The following EGLN3 variants were observed in gnomAD, a reference collection of about 807,000 sequenced individuals.
The protein encoded by EGLN3 is prolyl hydroxylase EGLN3.
A neutral mutation model predicts 26.0 loss-of-function variants in EGLN3; 15 were observed. That is an observed-to-expected ratio of 0.58 (90% CI 0.39 to 0.89). The LOEUF is 0.89. Ranked by LOEUF, EGLN3 falls within the 40% of genes least tolerant of loss-of-function variation. EGLN3 has a pLI of 0.00. For synonymous variants in EGLN3, 147 were observed against 127.2 expected (o/e 1.16, Z -1.05); for missense variants, 238 against 311.6 (o/e 0.76, Z 1.78).
chr14:33,950,177 G>A (rs2064546920), intron 1 of EGLN3: 8 of 601,034 alleles, frequency 1.3e-5, no homozygotes, highest in Middle Eastern at 3.6e-4. Context: ...GTCAACAGAA[G>A]GTCATCATCA....
rs2064546701 is a variant in EGLN3, at chr14:33,950,145, C to T, written c.357+251G>A. 5.0e-6 allele frequency: 3 copies of T among 594,410 alleles called. No individual in the cohort carries two copies. The South Asian group carries it at 6.2e-5, about 12-fold the overall frequency. The allele number at this position is 594,410 out of a possible 1,614,324, so 36.8% of individuals were successfully genotyped here. ...CCACAGCTTGTCTGGCTTTTGTCACCCACAAGAGCCAATATTTCAAAGTCA... is the reference window on the plus strand; with the variant it reads ...CCACAGCTTGTCTGGCTTTTGTCACTCACAAGAGCCAATATTTCAAAGTCA... On this transcript the variant is annotated intron_variant, in intron 1 of 4. Transcript: ENST00000250457.
chr14:33,938,405 T>C (rs976753704), intron 1 of EGLN3, among the ~76,000 whole-genome samples: 9 of 152,222 alleles, frequency 5.9e-5, no homozygotes, highest in Admixed American at 2.6e-4. Flanking sequence ...GCCATATTAA[T>C]ACAGGGTGTT....
chr14:33,937,573 C>G (rs901671470), intron 1 of EGLN3, among the ~76,000 whole-genome samples: 2 of 152,210 alleles, frequency 1.3e-5, no homozygotes, highest in Non-Finnish European at 2.9e-5. Context: ...TTGGAAGATT[C>G]AGAATACCAG....
intron 4 of EGLN3, among the ~76,000 whole-genome samples, chr14:33,926,289 T>C (rs1017033786): frequency 6.6e-6 from 1 of 152,188 alleles, no homozygotes; most frequent in Non-Finnish European, 1.5e-5. Context: ...TTGAGAGGTA[T>C]ACAGTCCAAA....
chr14:33,948,099 C>T (rs1368681739), intron 1 of EGLN3: 2 of 151,952 alleles, frequency 1.3e-5, no homozygotes, highest in Non-Finnish European at 2.9e-5. Context: ...AAGGATGAAC[C>T]GGTAAACTGG....
chr14:33,950,568 G>T lies in EGLN3; in HGVS notation c.185C>A (p.Ala62Glu). The change falls in exon 1 of 5, where the codon GCG (alanine) becomes GAG (glutamate). Residue 62 changes from alanine (A) to glutamate (E), a missense_variant. Ala to Glu is a moderately radical substitution (Grantham distance 107). Transcript: ENST00000250457. ...CTTGGAGACGCCGGCGCGCGGCCCC[G>T]CCAGCTGGCCGTCCCGCAGGGCCCC... ...CTGALRDGQLAGPRAGVSKRH... is the reference protein window; with the variant it reads ...CTGALRDGQLEGPRAGVSKRH... 4.3e-6 allele frequency: 7 copies of T among 1,611,792 alleles called. No homozygotes were observed. Among genetic ancestry groups the T allele is most frequent in the Non-Finnish European group, 5.9e-6 (7 of 1,179,018 alleles).
In EGLN3 at chr14:33,950,743, C is replaced by G; in HGVS notation, c.10G>C (p.Gly4Arg). The change falls in exon 1 of 5, where the codon GGA (glycine) becomes CGA (arginine). Residue 4 changes from glycine to arginine, a missense_variant. Physicochemically the swap from Gly to Arg is moderately radical, Grantham distance 125. Coordinates refer to ENST00000250457, the MANE Select transcript of EGLN3 (RefSeq NM_022073.4). MPL[G>R]HIMRLDLEKI... ...TCCAGGTCCAGCCTCATGATGTGTCCCAGGGGCATCTCGCCCGCAGAATCG... is the reference window on the plus strand; with the variant it reads ...TCCAGGTCCAGCCTCATGATGTGTCGCAGGGGCATCTCGCCCGCAGAATCG... 6.2e-7 allele frequency: 1 copy of G among 1,603,290 alleles called. No homozygotes were observed. Among genetic ancestry groups the G allele is most frequent in the Non-Finnish European group, 8.5e-7 (1 of 1,171,832 alleles).
intron 1 of EGLN3, among the ~76,000 whole-genome samples, chr14:33,933,495 G>A (rs2064419034): frequency 6.6e-6 from 1 of 152,116 alleles, no homozygotes; most frequent in Non-Finnish European, 1.5e-5. Context: ...TTTCTGGCCA[G>A]AGTGAACATT....
Position 33,950,523 on chromosome 14 carries a change from T to C in EGLN3, c.230A>G (p.Gln77Arg), listed in dbSNP as rs780844574. 6.8e-6 allele frequency: 11 copies of C among 1,613,508 alleles called. No individual in the cohort carries two copies. Among genetic ancestry groups the C allele is most frequent in the Non-Finnish European group, 9.3e-6 (11 of 1,180,010 alleles). The change falls in exon 1 of 5, where the codon CAG becomes CGG. Residue 77 changes from glutamine (Q) to arginine (R), a missense_variant. Gln to Arg is a conservative substitution (Grantham distance 43). Coordinates refer to ENST00000250457, the MANE Select transcript of EGLN3 (RefSeq NM_022073.4). ...CTCGTTGCCCCCGATCCACGTGATC[T>C]GGTCGCCCCGCAGGTGTCGCTTGGA... ...GVSKRHLRGD[Q>R]ITWIGGNEEG...
rs530924953 is a variant in EGLN3, at chr14:33,942,783, A to C, written c.357+7613T>G. On this transcript the variant is annotated intron_variant, in intron 1 of 4. Coordinates refer to ENST00000250457, the MANE Select transcript of EGLN3 (RefSeq NM_022073.4). ...AATAAGTATTTTGGCCTCATTTTGT[A>C]AAGAAAAACTAATGTTTAATATAAG... Among the ~76,000 whole-genome samples the C allele has an allele frequency of 2.2e-3, 342 of 152,316 alleles. 2 individuals are homozygous for C. The highest frequency in any genetic ancestry group is 7.7e-3 in the African/African-American group (321 of 41,564).
chr14:33,942,988 T>C (rs189516552), intron 1 of EGLN3, among the ~76,000 whole-genome samples: 17 of 152,170 alleles, frequency 1.1e-4, no homozygotes, highest in Admixed American at 2.6e-4. Flanking sequence ...AAACCCAGGG[T>C]CTGTAAGGCT....
At chr14:33,937,092 C>T (rs1045115761) in intron 1 of EGLN3, among the ~76,000 whole-genome samples, 4 of 152,164 alleles carry the variant, frequency 2.6e-5, no homozygotes, top group Non-Finnish European at 4.4e-5. Flanking sequence ...CTTTACAAGA[C>T]GATGGCAACT....
intron 2 of EGLN3, among the ~76,000 whole-genome samples, chr14:33,930,666 T>C (rs2064396293): frequency 6.6e-6 from 1 of 152,174 alleles, no homozygotes; most frequent in Non-Finnish European, 1.5e-5. Context: ...GAGAGGACTG[T>C]GTGGGAAATC....
intron 1 of EGLN3, among the ~76,000 whole-genome samples, chr14:33,945,971 G>C (rs921552574): frequency 1.3e-5 from 2 of 152,142 alleles, no homozygotes; most frequent in African/African-American, 2.4e-5. Flanking sequence ...ATTGTTTCCA[G>C]GGGAGGACCA....
At chr14:33,933,212 C>T (rs12896884) in intron 1 of EGLN3, among the ~76,000 whole-genome samples, 2 of 151,236 alleles carry the variant, frequency 1.3e-5, no homozygotes, top group Non-Finnish European at 2.9e-5. Context: ...CCAAGAAGAT[C>T]TAAGACTTGA....
intron 1 of EGLN3, among the ~76,000 whole-genome samples, chr14:33,944,583 A>G (rs919474091): frequency 6.6e-6 from 1 of 152,246 alleles, no homozygotes; most frequent in Admixed American, 6.5e-5. Flanking sequence ...AACATCCTGT[A>G]TAGTTTTGAT....
intron 1 of EGLN3, among the ~76,000 whole-genome samples, chr14:33,939,292 G>C (rs1240860281): frequency 6.6e-6 from 1 of 151,614 alleles, no homozygotes; most frequent in Non-Finnish European, 1.5e-5. Flanking sequence ...CTCACTGCAA[G>C]CTCTGCCTCC....
intron 3 of EGLN3, among the ~76,000 whole-genome samples, chr14:33,928,655 C>T (rs145750405): frequency 3.2e-4 from 48 of 152,256 alleles, no homozygotes; most frequent in Non-Finnish European, 5.9e-5. Context: ...TCTCAAGGCT[C>T]TTTCTCTGCT....
At chr14:33,930,263 A>AATGG (rs1409002615) in intron 2 of EGLN3, among the ~76,000 whole-genome samples, 2 of 152,216 alleles carry the variant, frequency 1.3e-5, no homozygotes, top group African/African-American at 4.8e-5. Flanking sequence ...AAGGAGACTT[A>AATGG]ATGGATGTAT....
Sources: allele counts gnomAD v4.1 joint callset (sites outside exome capture counted in the v4.1 genomes callset), GRCh38; gene constraint gnomAD v4.1.1; transcripts MANE v1.5; gene names NCBI Gene and HGNC (gene_info 2026-07-23, HGNC 2026-07-21).